EXOC4: variants seen among roughly 807,000 people sequenced by gnomAD.
The protein encoded by EXOC4 is exocyst complex component 4.
EXOC4 carries 71 observed loss-of-function variants against 107.2 expected under a neutral mutation model. The ratio of observed to expected loss-of-function variants is 0.66; its 90% confidence interval spans 0.55 to 0.81. EXOC4 has a LOEUF of 0.81. Ranked by LOEUF, EXOC4 falls within the 30% of genes least tolerant of loss-of-function variation. EXOC4 has a pLI of 0.00. For missense variants in EXOC4, 1,108 were observed against 1,189.6 expected (o/e 0.93, Z 1.01); for synonymous variants, 456 against 441.2 (o/e 1.03, Z -0.42).
chr7:133,484,345 C>A lies in EXOC4; in HGVS notation c.1417+4207C>A, dbSNP rs1799226045. The A allele has an allele frequency of 2.6e-5, 13 of 494,138 alleles. No individual in the cohort carries two copies. In the South Asian group the frequency reaches 2.8e-4, roughly 11 times the overall value. The allele number at this position is 494,138 out of a possible 1,614,324, so 30.6% of individuals were successfully genotyped here. On this transcript the variant is annotated intron_variant, in intron 9 of 17. Transcript: ENST00000253861. ...TGTGAGATACCAGGTGGAGATCTAA[C>A]TTGTGGGTGTGTCAGTGTTAATCAT... is the stretch of plus-strand genomic sequence containing the variant.
intron 10 of EXOC4, among the ~76,000 whole-genome samples, chr7:133,715,096 G>A (rs901460407): frequency 1.3e-5 from 2 of 152,110 alleles, no homozygotes; most frequent in Non-Finnish European, 2.9e-5. Context: ...ATAAATAAAG[G>A]AGGCTAGACA....
At position 133,340,663 on chromosome 7, in the gene EXOC4, T is replaced by C. The variant is rs1016880181; in HGVS notation, c.764-15667T>C. Among the ~76,000 whole-genome samples the C allele has an allele frequency of 7.2e-5, 11 of 152,178 alleles. No homozygotes were observed. In the South Asian group the frequency reaches 1.5e-3, roughly 20 times the overall value. ...TGTGAATCTGTCTAGTCCTGGACTT[T>C]TTTTTGTTGGCAATTTTTTAATTAC... On this transcript the variant is annotated intron_variant, in intron 5 of 17. Transcript: ENST00000253861.
intron 17 of EXOC4, among the ~76,000 whole-genome samples, chr7:134,040,639 A>G (rs1477767691): frequency 1.3e-5 from 2 of 152,264 alleles, no homozygotes; most frequent in African/African-American, 4.8e-5. Context: ...GAAGAGCAAT[A>G]AAGGCATGTC....
chr7:133,585,592 C>T (rs1312941870), intron 9 of EXOC4, among the ~76,000 whole-genome samples: 3 of 151,172 alleles, frequency 2.0e-5, no homozygotes, highest in Non-Finnish European at 4.4e-5. Context: ...CACCACTGTA[C>T]ACCAGCCTAG....
chr7:133,279,065 T>C (rs1013086610), intron 2 of EXOC4, among the ~76,000 whole-genome samples: 1 of 151,194 alleles, frequency 6.6e-6, no homozygotes, highest in Non-Finnish European at 1.5e-5. Context: ...TGAGAACATG[T>C]GGTGTTTGGT....
In EXOC4 at chr7:133,909,919, ATTT is replaced by A. The variant is rs764890539; in HGVS notation, c.1872-7642_1872-7640del. ...ATCTGAACATTGACGGTTGAGACAGATTTTTTTTTTTTTTTTTTTTTTTTGAGG... is the reference window on the plus strand; with the variant it reads ...ATCTGAACATTGACGGTTGAGACAGATTTTTTTTTTTTTTTTTTTTTGAGG... On this transcript the variant is annotated intron_variant, in intron 12 of 17. Transcript: ENST00000253861. Among the ~76,000 whole-genome samples the A allele has an allele frequency of 3.1e-3, 233 of 75,502 alleles. 1 individual carries two copies. The highest frequency in any genetic ancestry group is 0.013 in the African/African-American group (221 of 17,646). The allele number at this position is 75,502 out of a possible 152,430, so 49.5% of individuals were successfully genotyped here.
intron 10 of EXOC4, chr7:133,727,377 TG>T: frequency 6.3e-6 from 1 of 159,808 alleles, no homozygotes. Context: ...GGCCACCTGC[TG>T]GGACACCACC....
At chr7:133,593,425 A>C (rs1801594733) in intron 9 of EXOC4, among the ~76,000 whole-genome samples, 1 of 152,210 alleles carries the variant, frequency 6.6e-6, no homozygotes, top group African/African-American at 2.4e-5. Context: ...TCCAGCTAGA[A>C]ATCTTTAAGC....
chr7:133,428,017 A>G (rs1012709982), intron 7 of EXOC4, among the ~76,000 whole-genome samples: 2 of 152,200 alleles, frequency 1.3e-5, no homozygotes, highest in Non-Finnish European at 2.9e-5. Flanking sequence ...AGTTTGAGAA[A>G]TAGGGTATTT....
At chr7:133,422,176 A>G (rs1797623006) in intron 7 of EXOC4, among the ~76,000 whole-genome samples, 1 of 152,218 alleles carries the variant, frequency 6.6e-6, no homozygotes, top group Admixed American at 6.5e-5. Flanking sequence ...CATTGCAAGT[A>G]GGCTGGGCAG....
At chr7:133,645,384 A>G (rs7785976) in intron 10 of EXOC4, among the ~76,000 whole-genome samples, 150,310 of 151,836 alleles carry the variant, frequency 0.99, 74,425 homozygotes, top group Middle Eastern at 1. Context: ...GAGCCACCAC[A>G]CCTGGCCCTC....
chr7:133,493,066 T>C (rs1799405419), intron 9 of EXOC4, among the ~76,000 whole-genome samples: 1 of 152,166 alleles, frequency 6.6e-6, no homozygotes, highest in African/African-American at 2.4e-5. Context: ...ACTGTGAATA[T>C]AATATACCTA....
chr7:133,517,579 C>T (rs1430578544), intron 9 of EXOC4, among the ~76,000 whole-genome samples: 4 of 152,018 alleles, frequency 2.6e-5, no homozygotes, highest in Non-Finnish European at 4.4e-5. Context: ...TCTCACATGG[C>T]CACAGATGAG....
At chr7:134,099,916 A>G in the EXOC4 span, among the ~76,000 whole-genome samples, 2 of 152,000 alleles carry the variant, frequency 1.3e-5, no homozygotes, top group African/African-American at 4.8e-5. Context: ...CATGTTGGCC[A>G]GGCTGGTCTC....
In EXOC4 at chr7:133,253,124, G is replaced by A; in HGVS notation, c.23G>A (p.Gly8Glu). 1 of 1,614,178 alleles carries A rather than the reference G, an allele frequency of 6.2e-7. No homozygotes were observed. The highest frequency in any genetic ancestry group is 1.3e-5 in the African/African-American group (1 of 75,062). The stretch of plus-strand genomic sequence containing the variant: ...AAGATGGCGGCAGAAGCAGCTGGTG[G>A]GAAATACAGAAGCACAGTCAGCAAA... Reference protein sequence around the residue: MAAEAAGGKYRSTVSKSK... With the variant: MAAEAAGEKYRSTVSKSK... The change falls in exon 1 of 18, where the codon GGG (glycine) becomes GAG (glutamate). Residue 8 changes from glycine to glutamate, a missense_variant. Transcript: ENST00000253861.
chr7:133,394,821 A>T (rs1348923765), intron 7 of EXOC4, among the ~76,000 whole-genome samples: 1 of 152,172 alleles, frequency 6.6e-6, no homozygotes, highest in Non-Finnish European at 1.5e-5. Context: ...AGTGAATGTT[A>T]TAAATAACCT....
At chr7:133,269,817 A>C (rs1350311416) in intron 1 of EXOC4, among the ~76,000 whole-genome samples, 3 of 152,182 alleles carry the variant, frequency 2.0e-5, no homozygotes, top group African/African-American at 4.8e-5. Flanking sequence ...AGCACATCTG[A>C]GAGGCAGGTT....
intron 7 of EXOC4, among the ~76,000 whole-genome samples, chr7:133,453,945 A>G (rs939591277): frequency 6.6e-6 from 1 of 152,148 alleles, no homozygotes; most frequent in Non-Finnish European, 1.5e-5. Flanking sequence ...TACAAGAGAT[A>G]AAGAAGAAGT....
chr7:133,545,982 A>G (rs911578253), intron 9 of EXOC4, among the ~76,000 whole-genome samples: 1 of 152,030 alleles, frequency 6.6e-6, no homozygotes, highest in African/African-American at 2.4e-5. Flanking sequence ...TTGCTCTTGG[A>G]TTGGAATGGA....
Sources: gnomAD v4.1 joint callset for allele counts (sites outside exome capture counted in the v4.1 genomes callset) on GRCh38, gnomAD v4.1.1 for gene constraint, MANE v1.5 for transcripts, NCBI Gene and HGNC (gene_info 2026-07-23, HGNC 2026-07-21) for gene names.